LMNTD1: variants seen among roughly 807,000 people sequenced by gnomAD.
The protein encoded by LMNTD1 is lamin tail domain-containing protein 1.
In LMNTD1, 35 loss-of-function variants were observed where a neutral mutation model predicts 50.9. The ratio of observed to expected loss-of-function variants is 0.69; its 90% confidence interval spans 0.53 to 0.91. The LOEUF (loss-of-function observed/expected upper bound fraction) is 0.91, where lower values mean the gene tolerates loss of function less well. Ranked by LOEUF, LMNTD1 falls within the 40% of genes least tolerant of loss-of-function variation. The probability of loss-of-function intolerance (pLI) is 0.00; values close to 1 mark genes in which losing one functional copy is unlikely to be tolerated. For synonymous variants in LMNTD1, 153 were observed against 161.9 expected (o/e 0.94, Z 0.42); for missense variants, 470 against 475.5 (o/e 0.99, Z 0.11).
At chr12:25,511,243 C>A (rs1478740602) in intron 8 of LMNTD1, among the ~76,000 whole-genome samples, 1 of 151,886 alleles carries the variant, frequency 6.6e-6, no homozygotes, top group African/African-American at 2.4e-5. Flanking sequence ...TTGGACTCCA[C>A]CATGAGGGCA....
chr12:25,566,409 G>T (rs1592031753), intron 1 of LMNTD1, among the ~76,000 whole-genome samples: 1 of 152,174 alleles, frequency 6.6e-6, no homozygotes, highest in Non-Finnish European at 1.5e-5. Context: ...GCCAATTGTG[G>T]TGCTATAAAT....
rs77867322 is a variant in LMNTD1 at position 25,533,837 on chromosome 12, T to C, written c.492-6882A>G. Among the ~76,000 whole-genome samples the C allele has an allele frequency of 4.7e-3, 710 of 152,240 alleles. 10 individuals carry two copies. The highest frequency in any genetic ancestry group is 0.042 in the East Asian group (218 of 5,184). ...GGGGTTTAGTCTGAATAAGAATCCTTTGGGAAGATGAGGATATTTGCAGCC... is the reference window on the plus strand; with the variant it reads ...GGGGTTTAGTCTGAATAAGAATCCTCTGGGAAGATGAGGATATTTGCAGCC... On this transcript the variant is annotated intron_variant, in intron 4 of 9. Coordinates refer to ENST00000458174, the MANE Select transcript of LMNTD1 (RefSeq NM_001145728.2).
chr12:25,634,240 T>C (rs1946778431), intron 1 of LMNTD1, among the ~76,000 whole-genome samples: 1 of 152,156 alleles, frequency 6.6e-6, no homozygotes, highest in South Asian at 2.1e-4. Flanking sequence ...GCAGCAGAAT[T>C]CTACCAGACA....
chr12:25,625,416 T>G (rs1291859343), intron 1 of LMNTD1, among the ~76,000 whole-genome samples: 1 of 152,090 alleles, frequency 6.6e-6, no homozygotes, highest in Non-Finnish European at 1.5e-5. Flanking sequence ...AAATGGGTAT[T>G]CTGGGTGGAG....
intron 4 of LMNTD1, among the ~76,000 whole-genome samples, chr12:25,537,403 G>A (rs1942684328): frequency 1.3e-5 from 2 of 152,192 alleles, no homozygotes; most frequent in East Asian, 1.9e-4. Context: ...CTCCTTAAGT[G>A]GGTCCCTGAC....
intron 9 of LMNTD1, among the ~76,000 whole-genome samples, chr12:25,484,383 G>C (rs1021754079): frequency 1.4e-4 from 21 of 151,926 alleles, no homozygotes; most frequent in African/African-American, 5.1e-4. Flanking sequence ...ACAGGTGTGA[G>C]CCACTGCGCC....
intron 9 of LMNTD1, among the ~76,000 whole-genome samples, chr12:25,497,164 C>T (rs1939107800): frequency 6.6e-6 from 1 of 152,008 alleles, no homozygotes; most frequent in South Asian, 2.1e-4. Context: ...TCTATGAACA[C>T]TAGTACAAAA....
chr12:25,591,811 C>CAGAGAGAGAG (rs58392351), intron 1 of LMNTD1, among the ~76,000 whole-genome samples: 4,031 of 89,914 alleles, frequency 0.045, 295 homozygotes, highest in Middle Eastern at 0.056. Flanking sequence ...TAGCTCAGAA[C>CAGAGAGAGAG]AGAGAGAGAG....
chr12:25,564,043 C>A (rs1325274910), intron 1 of LMNTD1, among the ~76,000 whole-genome samples: 1 of 152,166 alleles, frequency 6.6e-6, no homozygotes, highest in Non-Finnish European at 1.5e-5. Flanking sequence ...TTCCAGGTAC[C>A]ACCCATCATG....
chr12:25,507,106 C>T (rs748385844), intron 8 of LMNTD1, among the ~76,000 whole-genome samples: 1 of 152,042 alleles, frequency 6.6e-6, no homozygotes, highest in African/African-American at 2.4e-5. Context: ...AAACTCCTGA[C>T]CTTAAGTGAT....
chr12:25,486,865 A>G (rs1408975751), intron 9 of LMNTD1, among the ~76,000 whole-genome samples: 2 of 151,476 alleles, frequency 1.3e-5, no homozygotes, highest in Non-Finnish European at 2.9e-5. Flanking sequence ...CCACTTGATC[A>G]TGTTGGATAA....
Position 25,546,478 on chromosome 12 carries a change from A to T in LMNTD1, c.387T>A (p.Ser129=). 4 of 1,602,268 alleles carry T rather than the reference A, an allele frequency of 2.5e-6. No individual in the cohort carries two copies. The highest frequency in any genetic ancestry group is 3.4e-6 in the Non-Finnish European group (4 of 1,173,024). The stretch of plus-strand genomic sequence containing the variant: ...TAAGTTTCTTTGAATCACCAAACAA[A>T]GAAAGGAAATAATCTTCTCCATCCC... ...MIGDGEDYFL[S]LFGDSKKLTA... Residue 129 remains serine, a synonymous_variant, in exon 4 of 10, where the codon TCT becomes TCA. Transcript: ENST00000458174.
At chr12:25,610,716 TG>T (rs2136535954) in intron 1 of LMNTD1, among the ~76,000 whole-genome samples, 1 of 152,190 alleles carries the variant, frequency 6.6e-6, no homozygotes, top group East Asian at 1.9e-4. Context: ...GGAGACAACA[TG>T]GGGCTTGGCA....
At chr12:25,561,628 G>A (rs1328423789) in intron 1 of LMNTD1, among the ~76,000 whole-genome samples, 1 of 152,184 alleles carries the variant, frequency 6.6e-6, no homozygotes, top group Non-Finnish European at 1.5e-5. Context: ...TTGATTTGGG[G>A]TGGAGAGTTC....
At chr12:25,548,097 G>C (rs1188795916) in intron 3 of LMNTD1, among the ~76,000 whole-genome samples, 1 of 151,582 alleles carries the variant, frequency 6.6e-6, no homozygotes, top group Non-Finnish European at 1.5e-5. Context: ...TCAGTATATG[G>C]GTTTTGGTCA....
chr12:25,589,864 C>T (rs533703435), intron 1 of LMNTD1, among the ~76,000 whole-genome samples: 60 of 151,310 alleles, frequency 4.0e-4, no homozygotes, highest in Admixed American at 5.9e-4. Context: ...TATCTGCATT[C>T]GCAGAAAAAG....
At chr12:25,554,050 TGTAACACGTAATAAG>T (rs1943925355), upstream of LMNTD1, among the ~76,000 whole-genome samples, 1 of 152,172 alleles carries the variant, frequency 6.6e-6, no homozygotes, top group Admixed American at 6.5e-5. Flanking sequence ...AGTCAAGACG[TGTAACACGTAATAAG>T]GTAAGTTAAA....
chr12:25,486,269 T>A (rs956972522), intron 9 of LMNTD1, among the ~76,000 whole-genome samples: 2 of 143,474 alleles, frequency 1.4e-5, no homozygotes, highest in Non-Finnish European at 3.1e-5. Context: ...TTTGAAGCAA[T>A]TGTGAATGGG....
At chr12:25,563,729 C>T (rs1257389382) in intron 1 of LMNTD1, among the ~76,000 whole-genome samples, 4 of 152,226 alleles carry the variant, frequency 2.6e-5, no homozygotes, top group Non-Finnish European at 5.9e-5. Context: ...TTCAGCTATG[C>T]CCTGCCCCCA....
Sources: allele counts gnomAD v4.1 joint callset (sites outside exome capture counted in the v4.1 genomes callset), GRCh38; gene constraint gnomAD v4.1.1; transcripts MANE v1.5; gene names NCBI Gene and HGNC (gene_info 2026-07-23, HGNC 2026-07-21).